Variants in RIMS2 observed in about 807,000 individuals in gnomAD.
The protein encoded by RIMS2 is regulating synaptic membrane exocytosis 2, also known as regulating synaptic membrane exocytosis protein 2.
A neutral mutation model predicts 174.4 loss-of-function variants in RIMS2; 59 were observed. That is an observed-to-expected ratio of 0.34 (90% CI 0.27 to 0.42). The LOEUF is 0.42. Among genes scored for constraint, RIMS2 ranks in the 10% least tolerant of loss-of-function variants. The probability of loss-of-function intolerance (pLI) is 1.00; values close to 1 mark genes in which losing one functional copy is unlikely to be tolerated. For synonymous variants in RIMS2, 606 were observed against 572.5 expected (o/e 1.06, Z -0.84); for missense variants, 1,620 against 1,666.3 (o/e 0.97, Z 0.48).
At chr8:103,834,683 T>C (rs75234223) in intron 3 of RIMS2, among the ~76,000 whole-genome samples, 2,167 of 35,488 alleles carry the variant, frequency 0.061, 43 homozygotes, top group East Asian at 0.1. Flanking sequence ...TCTTTTTCTT[T>C]CTTTCTTTCT....
In RIMS2 at chr8:103,505,976, A is replaced by C. The variant is rs76577559; in HGVS notation, c.176+4914A>C. Among the ~76,000 whole-genome samples, 13 of 152,234 alleles carry C rather than the reference A, an allele frequency of 8.5e-5. No homozygotes were observed. In the East Asian group the frequency reaches 9.6e-4, roughly 11 times the overall value. On this transcript the variant is annotated intron_variant, in intron 1 of 23. Coordinates refer to ENST00000504942, the Ensembl canonical transcript of RIMS2. ...CTTTTTTACTGGTCACGATTTAAAAAAATTGAATTTATTGTAGTTTTGTTT... is the reference window on the plus strand; with the variant it reads ...CTTTTTTACTGGTCACGATTTAAAACAATTGAATTTATTGTAGTTTTGTTT...
intron 19 of RIMS2, among the ~76,000 whole-genome samples, chr8:104,173,699 G>A (rs1354799950): frequency 2.3e-5 from 3 of 129,536 alleles, no homozygotes; most frequent in African/African-American, 9.1e-5. Flanking sequence ...TGCGATCCTG[G>A]CTCACTGCAA....
chr8:103,658,007 T>C (rs2096552123), intron 1 of RIMS2, among the ~76,000 whole-genome samples: 1 of 152,196 alleles, frequency 6.6e-6, no homozygotes, highest in African/African-American at 2.4e-5. Flanking sequence ...TTCACATTTG[T>C]TCACAACTCC....
chr8:103,818,967 C>G (rs1265835772), intron 3 of RIMS2, among the ~76,000 whole-genome samples: 1 of 152,072 alleles, frequency 6.6e-6, no homozygotes, highest in Non-Finnish European at 1.5e-5. Context: ...GCATCTTGCA[C>G]ATTGAAGAGA....
intron 4 of RIMS2, among the ~76,000 whole-genome samples, chr8:103,888,807 T>TA (rs1416167898): frequency 2.0e-5 from 3 of 151,674 alleles, no homozygotes; most frequent in Non-Finnish European, 4.4e-5. Flanking sequence ...CACTTTTTTT[T>TA]ATTCCAAAAC....
At chr8:103,943,123 G>A (rs2082923392) in intron 14 of RIMS2, among the ~76,000 whole-genome samples, 197 bp downstream of exon 16, 2 of 152,142 alleles carry the variant, frequency 1.3e-5, no homozygotes, top group African/African-American at 4.8e-5. Context: ...TGTACCCATA[G>A]CATTCACCTA....
chr8:103,855,143 C>T (rs758397308), intron 3 of RIMS2, among the ~76,000 whole-genome samples: 2 of 151,918 alleles, frequency 1.3e-5, no homozygotes, highest in Admixed American at 6.6e-5. Flanking sequence ...AGTTTTTGTG[C>T]ATAGAGATGT....
chr8:103,736,030 GTT>G (rs1257398470), intron 2 of RIMS2, among the ~76,000 whole-genome samples: 4 of 152,104 alleles, frequency 2.6e-5, no homozygotes, highest in Non-Finnish European at 5.9e-5. Context: ...CACAATGTCA[GTT>G]TATGCGCGTA....
chr8:103,525,039 G>A (rs1833310135), intron 1 of RIMS2, among the ~76,000 whole-genome samples: 1 of 152,166 alleles, frequency 6.6e-6, no homozygotes, highest in Non-Finnish European at 1.5e-5. Flanking sequence ...CTTTAGAGAG[G>A]ATAGTCTGAA....
intron 3 of RIMS2, among the ~76,000 whole-genome samples, chr8:103,857,268 G>A (rs1042303919): frequency 2.6e-5 from 4 of 152,150 alleles, no homozygotes; most frequent in African/African-American, 9.7e-5. Flanking sequence ...TAGTGCCTCA[G>A]AATCTTTTAT....
chr8:103,609,346 A>G (rs535938732), intron 1 of RIMS2, among the ~76,000 whole-genome samples: 2 of 151,884 alleles, frequency 1.3e-5, no homozygotes, highest in Admixed American at 6.6e-5. Flanking sequence ...GCTGTACAGA[A>G]CCTCTTTAGT....
chr8:103,668,405 A>G (rs1176650564), intron 1 of RIMS2, among the ~76,000 whole-genome samples: 4 of 152,242 alleles, frequency 2.6e-5, no homozygotes, highest in African/African-American at 9.6e-5. Context: ...ACCTTCTTGT[A>G]TGAGAAAGCT....
chr8:103,650,038 C>T (rs964297721), intron 1 of RIMS2, among the ~76,000 whole-genome samples: 8 of 152,044 alleles, frequency 5.3e-5, no homozygotes, highest in African/African-American at 1.9e-4. Context: ...TGTGTTGATT[C>T]TTTCTTAGCT....
intron 11 of RIMS2, among the ~76,000 whole-genome samples, chr8:103,928,797 A>G (rs915598310): frequency 1.3e-5 from 2 of 151,502 alleles, no homozygotes; most frequent in African/African-American, 2.4e-5. Flanking sequence ...AATTATACTA[A>G]TATTTTTATT....
chr8:104,054,303 G>C (rs1209010328), intron 19 of RIMS2, among the ~76,000 whole-genome samples: 2 of 152,074 alleles, frequency 1.3e-5, no homozygotes, highest in Non-Finnish European at 2.9e-5. Context: ...CATGACATTA[G>C]CTGCTCTCTG....
intron 19 of RIMS2, among the ~76,000 whole-genome samples, chr8:104,242,218 G>A (rs1421310233): frequency 2.6e-5 from 4 of 151,872 alleles, no homozygotes; most frequent in African/African-American, 9.7e-5. Flanking sequence ...TTGGGGGTGG[G>A]GGCTTGGTTG....
At chr8:103,533,688 A>G (rs1459170748) in intron 1 of RIMS2, among the ~76,000 whole-genome samples, 2 of 151,372 alleles carry the variant, frequency 1.3e-5, no homozygotes, top group African/African-American at 4.8e-5. Flanking sequence ...AAAAAGAAAA[A>G]GAAAAAAACC....
intron 1 of RIMS2, among the ~76,000 whole-genome samples, chr8:103,538,383 T>C (rs1352154471): frequency 6.6e-6 from 1 of 152,176 alleles, no homozygotes; most frequent in East Asian, 1.9e-4. Flanking sequence ...TTTGGTTACA[T>C]GAGTAAGTTC....
chr8:103,742,792 C>T (rs1048219641), intron 2 of RIMS2, among the ~76,000 whole-genome samples: 22 of 152,150 alleles, frequency 1.4e-4, no homozygotes, highest in African/African-American at 4.8e-4. Context: ...AGGGCAGAAT[C>T]TCTCAGGGGC....
Sources: gnomAD v4.1 joint callset for allele counts (sites outside exome capture counted in the v4.1 genomes callset) on GRCh38, gnomAD v4.1.1 for gene constraint, MANE v1.5 for transcripts, NCBI Gene and HGNC (gene_info 2026-07-23, HGNC 2026-07-21) for gene names.